Variants in ARHGEF10 observed in about 807,000 individuals in gnomAD.
ARHGEF10 encodes Rho guanine nucleotide exchange factor (GEF) 10.
ARHGEF10 carries 140 observed loss-of-function variants against 147.4 expected under a neutral mutation model. The ratio of observed to expected loss-of-function variants is 0.95; its 90% CI spans 0.83 to 1.09. The LOEUF (loss-of-function observed/expected upper bound fraction) is 1.09. Ranked by LOEUF, ARHGEF10 falls within the 50% of genes least tolerant of loss-of-function variation. The pLI is 0.00. For synonymous variants in ARHGEF10, 902 were observed against 695.8 expected, an observed-to-expected ratio of 1.30 and a Z score of -4.67; for missense variants, 2,222 against 1,752.7, an observed-to-expected ratio of 1.27 and a Z score of -4.78.
intron 9 of ARHGEF10, among the ~76,000 whole-genome samples, chr8:1,880,381 C>T (rs1233345272): frequency 6.6e-6 from 1 of 152,236 alleles, no homozygotes; most frequent in African/African-American, 2.4e-5. Flanking sequence ...ATTCTGGAGG[C>T]TCCACAGCTG....
rs1320826565 is a variant in ARHGEF10 at position 1,898,635 on chromosome 8, C to T, written c.1650+110C>T. 6.5e-6 allele frequency: 7 copies of T among 1,070,046 alleles called. No homozygotes were observed. The Middle Eastern group carries it at 5.9e-4, about 90-fold the overall frequency. The allele number at this position is 1,070,046 out of a possible 1,614,324, so 66.3% of individuals were successfully genotyped here. A position where few individuals can be genotyped will look rare whatever the true frequency, so the allele number is the denominator to read the frequency against. On this transcript the variant is annotated intron_variant, in intron 15 of 28. Transcript: ENST00000349830. Reference sequence around the variant, plus strand: ...GGAATGGCTGCCCCTCGGGCCTCCTCATCTCCTCTCTAGGCAGTTACAGGA... The same window carrying T: ...GGAATGGCTGCCCCTCGGGCCTCCTTATCTCCTCTCTAGGCAGTTACAGGA...
intron 9 of ARHGEF10, among the ~76,000 whole-genome samples, chr8:1,881,134 G>A (rs1808157920): frequency 1.3e-5 from 2 of 152,222 alleles, no homozygotes; most frequent in Admixed American, 6.5e-5. Flanking sequence ...TGAGGGCACT[G>A]TGGGAAGTGG....
intron 9 of ARHGEF10, among the ~76,000 whole-genome samples, chr8:1,881,566 C>A (rs1002005573): frequency 2.0e-5 from 3 of 152,086 alleles, no homozygotes; most frequent in African/African-American, 7.2e-5. Context: ...CAGGGGAGCC[C>A]CCGGGGGATG....
At chr8:1,838,029 T>C (rs1803693379) in intron 1 of ARHGEF10, among the ~76,000 whole-genome samples, 1 of 152,184 alleles carries the variant, frequency 6.6e-6, no homozygotes, top group African/African-American at 2.4e-5. Flanking sequence ...GTCTCCTCCA[T>C]AGAGTTCAGG....
rs1437480801 is a variant in ARHGEF10, at chr8:1,861,418, A to T, written c.481+1234A>T. Among the ~76,000 whole-genome samples the T allele has an allele frequency of 2.0e-5, 3 of 152,222 alleles. No homozygotes were observed. In the East Asian group the frequency reaches 5.8e-4, roughly 29 times the overall value. On this transcript the variant is annotated intron_variant, in intron 4 of 28. Transcript: ENST00000349830. ...AAGCACATACCCTGCCTCTGTCTTC[A>T]GGAGCGACCCAGTCGAGGCGTCTCA...
At chr8:1,942,832 C>T (rs1333084712) in intron 26 of ARHGEF10, among the ~76,000 whole-genome samples, 1 of 150,806 alleles carries the variant, frequency 6.6e-6, no homozygotes, top group Non-Finnish European at 1.5e-5. Context: ...AAGCCAGACA[C>T]AAAAGGCCGA....
At chr8:1,880,613 A>C (rs914330418) in intron 9 of ARHGEF10, among the ~76,000 whole-genome samples, 1 of 152,222 alleles carries the variant, frequency 6.6e-6, no homozygotes, top group Admixed American at 6.5e-5. Context: ...TTGATACATA[A>C]AACCCTGGTA....
rs574807786 is a variant in ARHGEF10, at chr8:1,892,055, A to G, written c.1183-1514A>G. Among the ~76,000 whole-genome samples the G allele has an allele frequency of 1.6e-4, 24 of 150,482 alleles. No homozygotes were observed. The South Asian group carries it at 2.9e-3, about 18-fold the overall frequency. On this transcript the variant is annotated intron_variant, in intron 11 of 28. Transcript: ENST00000349830. ...TTATATATATTACATGTATATATAC[A>G]CAAATACATTTTTATGTTTGACCCC...
At chr8:1,939,997 A>G (rs1359543070) in intron 26 of ARHGEF10, among the ~76,000 whole-genome samples, 1 of 152,208 alleles carries the variant, frequency 6.6e-6, no homozygotes, top group Non-Finnish European at 1.5e-5. Flanking sequence ...TGTTTTCAGA[A>G]GAGTATTTTG....
At chr8:1,950,194 C>T (rs534442142) in intron 27 of ARHGEF10, among the ~76,000 whole-genome samples, 1 of 152,210 alleles carries the variant, frequency 6.6e-6, no homozygotes, top group Non-Finnish European at 1.5e-5. Context: ...GCGGACCTCA[C>T]GTGGGCTCCA....
In ARHGEF10 at chr8:1,850,392, A is replaced by G. The variant is rs984665584; in HGVS notation, c.37+6956A>G. On this transcript the variant is annotated intron_variant, in intron 2 of 28. Transcript: ENST00000349830. ...GGCGGCCGCGTGGGCATGGACGGCA[A>G]ATGCTGAGGAGGGTGTGGGGCAACC... 2.3e-4 allele frequency among the ~76,000 whole-genome samples: 32 copies of G among 141,558 alleles called. 1 individual carries two copies. The highest frequency in any genetic ancestry group is 6.0e-5 in the Non-Finnish European group (4 of 66,178). The allele number at this position is 141,558 out of a possible 152,430, so 92.9% of individuals were successfully genotyped here.
Position 1,925,340 on chromosome 8 carries a change from AG to A in ARHGEF10, c.2548del (p.Glu850ArgfsTer12). The A allele has an allele frequency of 1.9e-6, 3 of 1,614,208 alleles. No homozygotes were observed. The highest frequency in any genetic ancestry group is 2.5e-6 in the Non-Finnish European group (3 of 1,180,032). On this transcript the variant is annotated frameshift_variant, in exon 22 of 29. Transcript: ENST00000349830. LOFTEE classifies it high-confidence loss of function. ...GAAGACGATGGGAATCACATTAAAA[AG>A]GAGAAGCATCCTCTCCTCGTCGGAC... ...CVEDDGNHIK[K>X]EKHPLLVGHM... is the part of the protein sequence containing the mutation.
At chr8:1,858,187 T>A (rs55846495) in intron 3 of ARHGEF10, 72 bp downstream of exon 3, 3 of 1,039,704 alleles carry the variant, frequency 2.9e-6, no homozygotes, top group Non-Finnish European at 3.8e-6. Context: ...TGGGTCCCCA[T>A]GTGAGTCACC....
rs554596614 is a variant in ARHGEF10 at position 1,841,946 on chromosome 8, C to G, written c.-47-1407C>G. On this transcript the variant is annotated intron_variant, in intron 1 of 28. Coordinates refer to ENST00000349830, the MANE Select transcript of ARHGEF10 (RefSeq NM_014629.4). ...CCGCGGCGGGAACTGGGGCCGCGACCGGAACTGGGGCCGCGACCGGAACTG... is the reference window on the plus strand; with the variant it reads ...CCGCGGCGGGAACTGGGGCCGCGACGGGAACTGGGGCCGCGACCGGAACTG... Among the ~76,000 whole-genome samples the G allele has an allele frequency of 2.9e-3, 137 of 47,934 alleles. 9 individuals carry two copies. The highest frequency in any genetic ancestry group is 9.4e-3 in the African/African-American group (67 of 7,106). The allele number at this position is 47,934 out of a possible 152,430, so 31.4% of individuals were successfully genotyped here. A position where few individuals can be genotyped will look rare whatever the true frequency, so the allele number is the denominator to read the frequency against.
At chr8:1,909,160 A>G (rs1811154363) in intron 17 of ARHGEF10, 135 bp from the exon 18 acceptor site, 7 of 1,297,074 alleles carry the variant, frequency 5.4e-6, no homozygotes, top group South Asian at 2.5e-5. Context: ...CAGAAGCACA[A>G]TTACTATTGT....
chr8:1,888,330 GA>G, intron 11 of ARHGEF10, among the ~76,000 whole-genome samples: 3 of 100,660 alleles, frequency 3.0e-5, no homozygotes, highest in African/African-American at 1.2e-4. Context: ...GTGGGATGTT[GA>G]CTGTGAGGAG....
chr8:1,832,526 AGAGAGACACAGAGGCAGAGG>A, intron 1 of ARHGEF10, among the ~76,000 whole-genome samples: 1 of 46,658 alleles, frequency 2.1e-5, no homozygotes, highest in African/African-American at 9.8e-5. Flanking sequence ...AGACAGAGGT[AGAGAGACACAGAGGCAGAGG>A]CAGAGACAGA....
At chr8:1,838,251 C>A (rs1313619858) in intron 1 of ARHGEF10, among the ~76,000 whole-genome samples, 1 of 152,188 alleles carries the variant, frequency 6.6e-6, no homozygotes, top group Non-Finnish European at 1.5e-5. Flanking sequence ...TGCCAGCGTC[C>A]CAGGGAAAGA....
chr8:1,834,901 A>C (rs920386071), intron 1 of ARHGEF10, among the ~76,000 whole-genome samples: 1 of 152,214 alleles, frequency 6.6e-6, no homozygotes, highest in Non-Finnish European at 1.5e-5. Context: ...GACACCGGCC[A>C]CCCAGCAGCC....
Sources: allele counts gnomAD v4.1 joint callset (sites outside exome capture counted in the v4.1 genomes callset), GRCh38; gene constraint gnomAD v4.1.1; transcripts MANE v1.5; gene names NCBI Gene and HGNC (gene_info 2026-07-23, HGNC 2026-07-21).